The following RPRD1A variants were observed in gnomAD, a reference collection of about 807,000 sequenced individuals.
RPRD1A encodes regulation of nuclear pre-mRNA domain containing 1A.
Under a neutral mutation model 37.8 loss-of-function variants are expected in RPRD1A, and 9 were observed. The observed-to-expected ratio is 0.24, with a 90% CI of 0.14 to 0.42. RPRD1A has a LOEUF of 0.42. RPRD1A is among the 10% of genes least tolerant of loss of function. The pLI is 1.00. For missense variants in RPRD1A, 255 were observed against 371.0 expected (o/e 0.69, Z 2.57); for synonymous variants, 138 against 139.7 (o/e 0.99, Z 0.08).
At chr18:36,007,454 A>G (rs1909815034) in intron 6 of RPRD1A, among the ~76,000 whole-genome samples, 1 of 152,238 alleles carries the variant, frequency 6.6e-6, no homozygotes, top group African/African-American at 2.4e-5. Flanking sequence ...TCTGATTCAG[A>G]ATTGGAATTT....
intron 1 of RPRD1A, chr18:36,040,663 A>C: frequency 2.0e-6 from 1 of 512,048 alleles, no homozygotes. Flanking sequence ...GAAAGAATTC[A>C]AAACTAGAGT....
rs1103 is a variant in RPRD1A at position 36,027,187 on chromosome 18, T to C, written c.610A>G (p.Thr204Ala). The change falls in exon 5 of 7, where the codon ACA becomes GCA. Residue 204 changes from threonine (T) to alanine (A), a missense_variant. Physicochemically the swap from Thr to Ala is moderately conservative, Grantham distance 58. This residue lies in a region of RPRD1A where 211 missense variants were observed against 268.9 expected (regional missense o/e 0.78). Coordinates refer to ENST00000399022, the MANE Select transcript of RPRD1A (RefSeq NM_018170.5). ...GGATCACATTTTCTTTTCTTACCTG[T>C]TATTTTATCTAATAGAGATACTTCT... ...VQEVSLLDKI[T>A]DKESGERLSK... is the part of the protein sequence containing the mutation. 1 of 1,613,854 alleles carries C rather than the reference T, an allele frequency of 6.2e-7. No homozygotes were observed. Among genetic ancestry groups the C allele is most frequent in the South Asian group, 1.1e-5 (1 of 91,060 alleles).
chr18:36,046,454 T>TTC (rs1407454689), intron 1 of RPRD1A, among the ~76,000 whole-genome samples: 1 of 152,076 alleles, frequency 6.6e-6, no homozygotes, highest in East Asian at 1.9e-4. Flanking sequence ...AAGCCAGAAC[T>TTC]TCTACTTGCA....
At chr18:36,037,402 A>C (rs536007210) in intron 1 of RPRD1A, among the ~76,000 whole-genome samples, 1 of 152,198 alleles carries the variant, frequency 6.6e-6, no homozygotes, top group African/African-American at 2.4e-5. Context: ...CACCATGTGA[A>C]TAAGGACGTG....
chr18:36,039,957 A>G (rs1369839772), intron 1 of RPRD1A, among the ~76,000 whole-genome samples: 5 of 152,172 alleles, frequency 3.3e-5, no homozygotes. Context: ...GAGCATTACT[A>G]CAGGTCTTGT....
chr18:36,053,707 G>A (rs1409388866), intron 1 of RPRD1A, among the ~76,000 whole-genome samples: 4 of 151,808 alleles, frequency 2.6e-5, no homozygotes, highest in Admixed American at 1.3e-4. Flanking sequence ...GGGTCATATA[G>A]TAATTCTATG....
rs949804548 is a variant in RPRD1A, at chr18:36,056,305, G to A, written c.151+10949C>T. Among the ~76,000 whole-genome samples, 11 of 148,968 alleles carry A rather than the reference G, an allele frequency of 7.4e-5. 1 individual carries two copies. The South Asian group carries it at 8.5e-4, about 12-fold the overall frequency. ...TTTTGGGTTTTTGTGTTTTTTTTTTGAGATGGGAGTCTTGCTTTGTCTCCC... is the reference window on the plus strand; with the variant it reads ...TTTTGGGTTTTTGTGTTTTTTTTTTAAGATGGGAGTCTTGCTTTGTCTCCC... On this transcript the variant is annotated intron_variant, in intron 1 of 6. Coordinates refer to ENST00000399022, the MANE Select transcript of RPRD1A (RefSeq NM_018170.5).
chr18:36,032,431 C>T (rs1455362966), intron 2 of RPRD1A, among the ~76,000 whole-genome samples: 2 of 152,126 alleles, frequency 1.3e-5, no homozygotes, highest in Non-Finnish European at 2.9e-5. Context: ...GGAATAAATG[C>T]GAGACAGAGG....
Position 36,007,206 on chromosome 18 carries a change from C to T in RPRD1A, c.790-13906G>A, listed in dbSNP as rs575272564. Among the ~76,000 whole-genome samples, 145 of 152,302 alleles carry T rather than the reference C, an allele frequency of 9.5e-4. 1 individual carries two copies. Among genetic ancestry groups the T allele is most frequent in the African/African-American group, 3.3e-3 (137 of 41,546 alleles). ...ACAAAGTCCACTTTATTACACAATA[C>T]ACTGTTAATCCTGAATGGCTTTTTT... is the stretch of plus-strand genomic sequence containing the variant. On this transcript the variant is annotated intron_variant, in intron 6 of 6. Transcript: ENST00000399022.
At chr18:36,039,026 C>A (rs78488996) in intron 1 of RPRD1A, among the ~76,000 whole-genome samples, 2 of 152,268 alleles carry the variant, frequency 1.3e-5, no homozygotes, top group South Asian at 4.1e-4. Flanking sequence ...TGGGCTTGGA[C>A]TTTTGAGTTA....
chr18:36,066,817 C>G (rs1417589437), intron 1 of RPRD1A, among the ~76,000 whole-genome samples: 1 of 152,168 alleles, frequency 6.6e-6, no homozygotes, highest in Non-Finnish European at 1.5e-5. Context: ...TAAAACTATT[C>G]CTCTATTAAT....
chr18:36,007,606 C>T (rs1268639347), intron 6 of RPRD1A, among the ~76,000 whole-genome samples: 4 of 152,026 alleles, frequency 2.6e-5, no homozygotes, highest in African/African-American at 9.7e-5. Flanking sequence ...ATGAGATCAC[C>T]ACCAAAATCA....
At chr18:35,998,364 A>C (rs544812419) in intron 6 of RPRD1A, among the ~76,000 whole-genome samples, 4 of 138,150 alleles carry the variant, frequency 2.9e-5, no homozygotes, top group Non-Finnish European at 6.2e-5. Context: ...CAAAAACTAA[A>C]AAAAAAAATG....
intron 6 of RPRD1A, among the ~76,000 whole-genome samples, chr18:36,013,804 G>T (rs1227748311): frequency 3.3e-5 from 5 of 151,928 alleles, no homozygotes; most frequent in African/African-American, 1.2e-4. Flanking sequence ...TTTTATGTGA[G>T]AAATAATGCA....
At chr18:36,054,397 G>A (rs1434525202) in intron 1 of RPRD1A, among the ~76,000 whole-genome samples, 1 of 152,190 alleles carries the variant, frequency 6.6e-6, no homozygotes, top group Non-Finnish European at 1.5e-5. Context: ...GGAGGCTGAG[G>A]CAGGAGAATC....
At chr18:36,055,933 A>C (rs1479977653) in intron 1 of RPRD1A, among the ~76,000 whole-genome samples, 1 of 152,206 alleles carries the variant, frequency 6.6e-6, no homozygotes, top group African/African-American at 2.4e-5. Context: ...GGTAGAGGTA[A>C]AAATGAACTT....
Position 36,058,510 on chromosome 18 carries a change from T to A in RPRD1A, c.151+8744A>T, listed in dbSNP as rs181154358. 2.0e-5 allele frequency among the ~76,000 whole-genome samples: 3 copies of A among 152,302 alleles called. No individual in the cohort carries two copies. The East Asian group carries it at 5.8e-4, about 29-fold the overall frequency. ...ATTTGTTGAATCAGATGTAAAAACA[T>A]CAAATCAACAACTTTTTTTAAAAAA... is the stretch of plus-strand genomic sequence containing the variant. On this transcript the variant is annotated intron_variant, in intron 1 of 6. Transcript: ENST00000399022.
intron 6 of RPRD1A, among the ~76,000 whole-genome samples, chr18:36,003,512 G>A (rs1266096839): frequency 1.3e-5 from 2 of 152,186 alleles, no homozygotes; most frequent in African/African-American, 4.8e-5. Context: ...ATTTGCACTG[G>A]TTACAGACCA....
At chr18:35,996,698 C>T (rs1464678250) in intron 6 of RPRD1A, among the ~76,000 whole-genome samples, 5 of 152,074 alleles carry the variant, frequency 3.3e-5, no homozygotes, top group African/African-American at 1.2e-4. Context: ...AAAATACTGG[C>T]CAGGCACAGT....
Sources: allele counts gnomAD v4.1 joint callset (sites outside exome capture counted in the v4.1 genomes callset), GRCh38; gene constraint gnomAD v4.1.1; regional missense constraint gnomAD v4.1.1; transcripts MANE v1.5; gene names NCBI Gene and HGNC (gene_info 2026-07-23, HGNC 2026-07-21).